Variants in XKR4 observed in about 807,000 individuals in gnomAD.
The protein encoded by XKR4 is XK related 4, also known as XK-related protein 4.
In XKR4, 12 loss-of-function variants were observed where a neutral mutation model predicts 53.9. The ratio of observed to expected loss-of-function variants is 0.22; its 90% CI spans 0.14 to 0.36. The LOEUF (loss-of-function observed/expected upper bound fraction) is 0.36. Among genes scored for constraint, XKR4 ranks in the 10% least tolerant of loss-of-function variants. XKR4 has a pLI of 1.00. For missense variants in XKR4, 799 were observed against 859.5 expected, an observed-to-expected ratio of 0.93 and a Z score of 0.88; for synonymous variants, 354 against 362.4, an observed-to-expected ratio of 0.98 and a Z score of 0.26.
chr8:55,403,239 T>G (rs1162586863), intron 2 of XKR4, among the ~76,000 whole-genome samples: 1 of 152,266 alleles, frequency 6.6e-6, no homozygotes, highest in African/African-American at 2.4e-5. Flanking sequence ...TGTACATCTT[T>G]TTTAAATCAC....
intron 1 of XKR4, among the ~76,000 whole-genome samples, chr8:55,242,584 C>G (rs766623254): frequency 1.3e-5 from 2 of 152,118 alleles, no homozygotes; most frequent in African/African-American, 2.4e-5. Flanking sequence ...TAAATGCAAA[C>G]AGAATAATTG....
intron 1 of XKR4, among the ~76,000 whole-genome samples, chr8:55,220,031 T>G (rs1222227794): frequency 6.6e-6 from 1 of 152,134 alleles, no homozygotes; most frequent in Non-Finnish European, 1.5e-5. Context: ...TAATATATTG[T>G]ATGTTTCAAA....
At chr8:55,248,650 G>A (rs1387672193) in intron 1 of XKR4, among the ~76,000 whole-genome samples, 1 of 151,824 alleles carries the variant, frequency 6.6e-6, no homozygotes, top group South Asian at 2.1e-4. Context: ...TTTTTTGCAT[G>A]TTTCATAGGG....
intron 1 of XKR4, among the ~76,000 whole-genome samples, chr8:55,129,646 G>T (rs1341697325): frequency 6.6e-6 from 1 of 152,180 alleles, no homozygotes; most frequent in Non-Finnish European, 1.5e-5. Context: ...CAGAAGAGGG[G>T]ATGGAGAGGA....
chr8:55,120,966 G>T (rs1282045587), intron 1 of XKR4, among the ~76,000 whole-genome samples: 1 of 152,190 alleles, frequency 6.6e-6, no homozygotes, highest in African/African-American at 2.4e-5. Context: ...GAATCATATA[G>T]TATGTAGCCT....
intron 2 of XKR4, among the ~76,000 whole-genome samples, chr8:55,461,452 T>A (rs1002180093): frequency 1.3e-5 from 2 of 152,216 alleles, no homozygotes; most frequent in East Asian, 3.9e-4. Flanking sequence ...AGAAAGGACA[T>A]CCACACCAAA....
At chr8:55,389,243 G>A (rs1306526835) in intron 2 of XKR4, among the ~76,000 whole-genome samples, 3 of 152,146 alleles carry the variant, frequency 2.0e-5, no homozygotes, top group Non-Finnish European at 2.9e-5. Context: ...CCAGAACTGT[G>A]AGACAATAAA....
intron 1 of XKR4, among the ~76,000 whole-genome samples, chr8:55,222,800 G>T (rs1420711260): frequency 1.3e-5 from 2 of 152,076 alleles, no homozygotes; most frequent in African/African-American, 4.8e-5. Flanking sequence ...TCAATTTTGT[G>T]TAAATGATTA....
intron 2 of XKR4, among the ~76,000 whole-genome samples, chr8:55,365,269 G>A (rs1490227525): frequency 6.6e-6 from 1 of 152,240 alleles, no homozygotes; most frequent in Non-Finnish European, 1.5e-5. Context: ...CACTAGGGTG[G>A]CACGCACAGT....
intron 2 of XKR4, among the ~76,000 whole-genome samples, chr8:55,496,619 T>C (rs1806353615): frequency 6.6e-6 from 1 of 152,234 alleles, no homozygotes; most frequent in Admixed American, 6.5e-5. Context: ...ATTTCTTCTT[T>C]AAGAAACTAC....
At chr8:55,329,227 G>A (rs760572911) in intron 1 of XKR4, among the ~76,000 whole-genome samples, 1 of 152,252 alleles carries the variant, frequency 6.6e-6, no homozygotes, top group Non-Finnish European at 1.5e-5. Flanking sequence ...TGAGGAAAAA[G>A]TTGAGAAAAA....
chr8:55,453,348 T>A, intron 2 of XKR4: 2 of 472,256 alleles, frequency 4.2e-6, no homozygotes, highest in South Asian at 3.1e-5. Flanking sequence ...ACCACCCAGT[T>A]CTGTTGCACA....
intron 2 of XKR4, among the ~76,000 whole-genome samples, chr8:55,430,136 A>ACAT (rs1388130333): frequency 6.6e-6 from 1 of 152,202 alleles, no homozygotes; most frequent in Admixed American, 6.5e-5. Flanking sequence ...AATAGAGATA[A>ACAT]CATCAAATGC....
chr8:55,252,109 C>A (rs989882679), intron 1 of XKR4, among the ~76,000 whole-genome samples: 24 of 152,144 alleles, frequency 1.6e-4, no homozygotes, highest in Non-Finnish European at 5.9e-5. Context: ...TGTTATTCAC[C>A]CTCCAATGGA....
At chr8:55,207,665 C>T (rs191226041) in intron 1 of XKR4, among the ~76,000 whole-genome samples, 14 of 130,822 alleles carry the variant, frequency 1.1e-4, no homozygotes, top group Non-Finnish European at 6.6e-5. Context: ...CACACACACA[C>T]GTCTTTTGCT....
At chr8:55,379,816 C>G (rs1804205568) in intron 2 of XKR4, among the ~76,000 whole-genome samples, 1 of 152,220 alleles carries the variant, frequency 6.6e-6, no homozygotes, top group South Asian at 2.1e-4. Context: ...GCCCTCCCCT[C>G]CAGAGGCTGT....
intron 2 of XKR4, among the ~76,000 whole-genome samples, chr8:55,408,805 G>A (rs1041421006): frequency 1.6e-4 from 24 of 152,058 alleles, no homozygotes; most frequent in Admixed American, 6.5e-5. Context: ...TCAGGAGTTC[G>A]AGACAAGCCT....
chr8:55,253,490 A>G (rs1818389065), intron 1 of XKR4, among the ~76,000 whole-genome samples: 2 of 152,172 alleles, frequency 1.3e-5, no homozygotes, highest in South Asian at 2.1e-4. Flanking sequence ...AATTTTTCCA[A>G]CGAACCATTG....
chr8:55,157,926 A>T (rs1487511075), intron 1 of XKR4, among the ~76,000 whole-genome samples: 4 of 152,132 alleles, frequency 2.6e-5, no homozygotes. Context: ...TCCACTGTTG[A>T]TGGGCATTGA....
Sources: gnomAD v4.1 joint callset for allele counts (sites outside exome capture counted in the v4.1 genomes callset) on GRCh38, gnomAD v4.1.1 for gene constraint, MANE v1.5 for transcripts, NCBI Gene and HGNC (gene_info 2026-07-23, HGNC 2026-07-21) for gene names.